Variants in TMEM181 observed in about 807,000 individuals in gnomAD.
TMEM181 encodes the protein transmembrane protein 181.
TMEM181 carries 39 observed loss-of-function variants against 71.9 expected under a neutral mutation model. The observed-to-expected ratio is 0.54, with a 90% CI of 0.42 to 0.71. The LOEUF (loss-of-function observed/expected upper bound fraction) is 0.71. Among genes scored for constraint, TMEM181 ranks in the 30% least tolerant of loss-of-function variants. The pLI is 0.00. For synonymous variants in TMEM181, 245 were observed against 228.8 expected (o/e 1.07, Z -0.64); for missense variants, 595 against 583.0 (o/e 1.02, Z -0.21).
chr6:158,568,948 G>A (rs1782659143), intron 1 of TMEM181, among the ~76,000 whole-genome samples: 1 of 152,198 alleles, frequency 6.6e-6, no homozygotes, highest in South Asian at 2.1e-4. Context: ...TGAGGTTTCT[G>A]AAGTCTGTGG....
intron 7 of TMEM181, among the ~76,000 whole-genome samples, chr6:158,606,158 G>GC (rs1784937670): frequency 6.6e-6 from 1 of 151,866 alleles, no homozygotes; most frequent in Non-Finnish European, 1.5e-5. Flanking sequence ...GAGCTGGAGG[G>GC]AAGGGCGTGG....
intron 5 of TMEM181, 120 bp downstream of exon 5, chr6:158,585,545 G>GA (rs1783720802): frequency 6.5e-6 from 8 of 1,235,842 alleles, no homozygotes; most frequent in Non-Finnish European, 4.2e-6. Context: ...GTTCTTAAGT[G>GA]AAAAAAATGG....
At chr6:158,581,082 A>G in intron 3 of TMEM181, 87 bp downstream of exon 3, 6 of 1,315,692 alleles carry the variant, frequency 4.6e-6, no homozygotes, top group Non-Finnish European at 6.4e-6. Context: ...AGAGTCTTTA[A>G]GGTAGCCTTC....
At chr6:158,611,353 C>A (rs1031275623) in intron 10 of TMEM181, 1 of 527,806 alleles carries the variant, frequency 1.9e-6, no homozygotes, top group Non-Finnish European at 3.9e-6. Context: ...GACAGCCTCT[C>A]CCTTCCTTTT....
In TMEM181 at chr6:158,625,729, T is replaced by C. The variant is rs750786321; in HGVS notation, c.1084T>C (p.Leu362=). The change falls in exon 13 of 17, where the codon TTG becomes CTG. Residue 362 remains leucine, a synonymous_variant. Transcript: ENST00000684151. ...VDLRLKFLTA[L]TFVVLVISIA... ...TCTCAGGTTGAAATTTTTGACTGCA[T>C]TGACTTTCGTAGTACTTGTCATTAG... 5 of 1,611,184 alleles carry C rather than the reference T, an allele frequency of 3.1e-6. No homozygotes were observed. The highest frequency in any genetic ancestry group is 1.3e-5 in the African/African-American group (1 of 74,764).
Position 158,536,709 on chromosome 6 carries a change from G to A in TMEM181, c.-26G>A, listed in dbSNP as rs1477491933. The A allele has an allele frequency of 5.8e-6, 9 of 1,552,260 alleles. No homozygotes were observed. The highest frequency in any genetic ancestry group is 1.2e-5 in the South Asian group (1 of 86,142). On this transcript the variant is annotated 5_prime_UTR_variant, in exon 1 of 17. Coordinates refer to the TMEM181 transcript ENST00000367090. ...GGCGACACAAAGGGTGGAGCGGCGGGACCGGGACCCGGGAGGCTGCGCGGC... is the reference window on the plus strand; with the variant it reads ...GGCGACACAAAGGGTGGAGCGGCGGAACCGGGACCCGGGAGGCTGCGCGGC...
rs1001295214 is a variant in TMEM181, at chr6:158,632,892, A to ATCC, written c.*1004_*1005insTCC. On this transcript the variant is annotated 3_prime_UTR_variant, in exon 17 of 17. Transcript: ENST00000684151. ...AGACCAGCCTGGGCAACACAGGGAG[A>ATCC]CCCCGTCTCTATAAAACATTTAGAA... The ATCC allele has an allele frequency of 6.6e-6, 1 of 152,376 alleles. No homozygotes were observed. The highest frequency in any genetic ancestry group is 1.9e-4 in the East Asian group (1 of 5,170). The allele number at this position is 152,376 out of a possible 1,614,324, so 9.4% of individuals were successfully genotyped here.
At chr6:158,587,021 G>C (rs1783812431) in intron 5 of TMEM181, among the ~76,000 whole-genome samples, 1 of 152,170 alleles carries the variant, frequency 6.6e-6, no homozygotes, top group South Asian at 2.1e-4. Flanking sequence ...CGAGCGCCTG[G>C]TGGCCACTCC....
intron 6 of TMEM181, among the ~76,000 whole-genome samples, chr6:158,603,470 G>T (rs903177103): frequency 6.6e-6 from 1 of 152,160 alleles, no homozygotes; most frequent in African/African-American, 2.4e-5. Context: ...ATCTGCTGCT[G>T]TATGGCCCGG....
At chr6:158,611,619 G>C (rs1254474202) in intron 10 of TMEM181, 4 of 343,924 alleles carry the variant, frequency 1.2e-5, no homozygotes, top group South Asian at 4.9e-5. Flanking sequence ...ATGTGGAGGG[G>C]TTCCCCCTGA....
At chr6:158,589,457 G>A (rs1213455479) in intron 5 of TMEM181, among the ~76,000 whole-genome samples, 1 of 152,142 alleles carries the variant, frequency 6.6e-6, no homozygotes, top group Non-Finnish European at 1.5e-5. Context: ...TCTAATTGGT[G>A]TAAATCATAT....
intron 13 of TMEM181, among the ~76,000 whole-genome samples, chr6:158,626,107 C>CT (rs1157380436): frequency 1.3e-5 from 2 of 152,232 alleles, no homozygotes; most frequent in Admixed American, 1.3e-4. Context: ...GGACAGGACT[C>CT]TAAGCGAGTT....
At chr6:158,558,023 T>C (rs924517757), upstream of TMEM181, among the ~76,000 whole-genome samples, 1 of 152,228 alleles carries the variant, frequency 6.6e-6, no homozygotes, top group Non-Finnish European at 1.5e-5. Context: ...GTTCACATCC[T>C]TGAAGGAGTG....
chr6:158,581,080 T>C (rs1360825490), intron 3 of TMEM181, 85 bp downstream of exon 3: 9 of 1,314,132 alleles, frequency 6.8e-6, no homozygotes, highest in Non-Finnish European at 6.4e-6. Context: ...TTAGAGTCTT[T>C]AAGGTAGCCT....
intron 1 of TMEM181, among the ~76,000 whole-genome samples, chr6:158,554,885 C>G (rs1345108143): frequency 6.6e-6 from 1 of 152,184 alleles, no homozygotes; most frequent in Non-Finnish European, 1.5e-5. Context: ...CATGTCTGAA[C>G]TTTATTTGCC....
At position 158,590,264 on chromosome 6, in the gene TMEM181, C is replaced by T. The variant is rs553966194; in HGVS notation, c.492+482C>T. Among the ~76,000 whole-genome samples the T allele has an allele frequency of 3.0e-4, 45 of 152,142 alleles. No individual in the cohort carries two copies. The South Asian group carries it at 8.1e-3, about 27-fold the overall frequency. ...GACTGGACGGTGAGCTGGGTTCTCA[C>T]GCTGCCTCCATCATTGACTCACGTG... On this transcript the variant is annotated intron_variant, in intron 6 of 16. Transcript: ENST00000684151.
intron 1 of TMEM181, among the ~76,000 whole-genome samples, chr6:158,562,315 C>T (rs907386800): frequency 5.3e-5 from 8 of 152,106 alleles, no homozygotes; most frequent in Admixed American, 3.9e-4. Context: ...AGTCTGAGGA[C>T]GGTGTGGGGC....
Position 158,631,340 on chromosome 6 carries a change from A to G in TMEM181, c.1300A>G (p.Asn434Asp), listed in dbSNP as rs778027595. 1 of 1,614,220 alleles carries G rather than the reference A, an allele frequency of 6.2e-7. No homozygotes were observed. Among genetic ancestry groups the G allele is most frequent in the Non-Finnish European group, 8.5e-7 (1 of 1,180,036 alleles). Residue 434 changes from asparagine (N) to aspartate (D), a missense_variant, in exon 16 of 17, where the codon AAT (asparagine) becomes GAT (aspartate). Asn to Asp is a conservative substitution (Grantham distance 23, BLOSUM62 1). Transcript: ENST00000684151. ...NALYESQLKDNPAFSMLNDSD... is the reference protein window; with the variant it reads ...NALYESQLKDDPAFSMLNDSD... ...GTTTTCAGAGTCCCAGCTGAAAGAC[A>G]ATCCTGCCTTCTCCATGCTGAATGA... is the stretch of plus-strand genomic sequence containing the variant.
At chr6:158,624,893 G>A (rs1338269812) in intron 11 of TMEM181, among the ~76,000 whole-genome samples, 2 of 152,338 alleles carry the variant, frequency 1.3e-5, no homozygotes, top group East Asian at 3.9e-4. Flanking sequence ...TGCAAGGCCT[G>A]GGGTGTCGTC....
Sources: gnomAD v4.1 joint callset for allele counts (sites outside exome capture counted in the v4.1 genomes callset) on GRCh38, gnomAD v4.1.1 for gene constraint, MANE v1.5 for transcripts, NCBI Gene and HGNC (gene_info 2026-07-23, HGNC 2026-07-21) for gene names.